Variants in FSTL5 observed in about 807,000 individuals in gnomAD.
The protein encoded by FSTL5 is follistatin-related protein 5.
Under a neutral mutation model 89.1 loss-of-function variants are expected in FSTL5, and 62 were observed. The ratio of observed to expected loss-of-function variants is 0.70; its 90% CI spans 0.57 to 0.86. FSTL5 has a LOEUF of 0.86. Ranked by LOEUF, FSTL5 falls within the 40% of genes least tolerant of loss-of-function variation. The probability of loss-of-function intolerance (pLI) is 0.00; values close to 1 mark genes in which losing one functional copy is unlikely to be tolerated. For synonymous variants in FSTL5, 383 were observed against 346.2 expected, an observed-to-expected ratio of 1.11 and a Z score of -1.18; for missense variants, 1,057 against 1,001.6, an observed-to-expected ratio of 1.06 and a Z score of -0.75.
At chr4:161,668,800 G>A (rs1736983842) in intron 6 of FSTL5, among the ~76,000 whole-genome samples, 1 of 151,980 alleles carries the variant, frequency 6.6e-6, no homozygotes. Context: ...TTTAAAACTT[G>A]GATGAATTTA....
chr4:161,659,359 A>G (rs1736630256), intron 6 of FSTL5, among the ~76,000 whole-genome samples: 1 of 152,186 alleles, frequency 6.6e-6, no homozygotes, highest in African/African-American at 2.4e-5. Context: ...TTCACTGGTT[A>G]CATCTCAAAA....
In FSTL5 at chr4:161,481,222, C is replaced by G. The variant is rs115916272; in HGVS notation, c.1459-53G>C. Reference sequence around the variant, plus strand: ...TTTATACCTTAAATTATAACACATGCCTGACAATATCATGGGTAAAATTAA... The same window carrying G: ...TTTATACCTTAAATTATAACACATGGCTGACAATATCATGGGTAAAATTAA... On this transcript the variant is annotated intron_variant, in intron 12 of 15. Transcript: ENST00000306100. The G allele has an allele frequency of 3.2e-5, 44 of 1,371,394 alleles. 1 individual carries two copies. The South Asian group carries it at 6.1e-4, about 19-fold the overall frequency. The allele number at this position is 1,371,394 out of a possible 1,614,324, so 85.0% of individuals were successfully genotyped here.
intron 7 of FSTL5, among the ~76,000 whole-genome samples, chr4:161,593,915 A>C (rs975045254): frequency 6.6e-6 from 1 of 152,154 alleles, no homozygotes; most frequent in African/African-American, 2.4e-5. Flanking sequence ...ATACAGACAG[A>C]ACACTGTTAA....
intron 6 of FSTL5, among the ~76,000 whole-genome samples, chr4:161,682,033 T>C (rs1737543511): frequency 1.3e-5 from 2 of 152,320 alleles, no homozygotes; most frequent in South Asian, 4.1e-4. Context: ...CATGTTACAG[T>C]AATGAGTAGT....
chr4:161,793,014 G>A (rs1264135327), intron 4 of FSTL5, among the ~76,000 whole-genome samples: 1 of 152,226 alleles, frequency 6.6e-6, no homozygotes, highest in Non-Finnish European at 1.5e-5. Flanking sequence ...GGTTTCTGCA[G>A]TTCCTGTCAT....
intron 13 of FSTL5, among the ~76,000 whole-genome samples, chr4:161,474,475 G>A (rs1264460303): frequency 6.6e-6 from 1 of 151,092 alleles, no homozygotes; most frequent in Non-Finnish European, 1.5e-5. Flanking sequence ...ATTAGATTTT[G>A]TGATTGTCCA....
chr4:161,386,709 T>G (rs1730663856), intron 15 of FSTL5: 1 of 394,714 alleles, frequency 2.5e-6, no homozygotes, highest in Non-Finnish European at 4.6e-6. Flanking sequence ...TCTAGTTAAT[T>G]GCAGCAACAA....
intron 5 of FSTL5, among the ~76,000 whole-genome samples, chr4:161,768,410 C>G (rs7655732): frequency 0.54 from 81,446 of 151,808 alleles, 25,301 homozygotes; most frequent in Non-Finnish European, 0.7. Flanking sequence ...TACAATCACA[C>G]TGTTTTGCAT....
chr4:161,549,996 G>A (rs985922858), intron 8 of FSTL5, among the ~76,000 whole-genome samples: 3 of 151,946 alleles, frequency 2.0e-5, no homozygotes, highest in Middle Eastern at 3.4e-3. Context: ...CGTCACGTCA[G>A]GACTACAGCC....
chr4:161,687,952 T>C (rs978288355), intron 6 of FSTL5, among the ~76,000 whole-genome samples: 2 of 152,200 alleles, frequency 1.3e-5, no homozygotes, highest in Admixed American at 6.5e-5. Context: ...TCTTTTCTGC[T>C]CCTCTGCCAT....
intron 3 of FSTL5, among the ~76,000 whole-genome samples, chr4:161,997,117 G>A (rs562498177): frequency 1.2e-3 from 179 of 152,196 alleles, no homozygotes; most frequent in Admixed American, 3.7e-3. Context: ...CCTTGGTGAG[G>A]AGCAAATGAA....
At chr4:161,494,555 G>C (rs1439198627) in intron 12 of FSTL5, among the ~76,000 whole-genome samples, 1 of 152,126 alleles carries the variant, frequency 6.6e-6, no homozygotes, top group Non-Finnish European at 1.5e-5. Context: ...TTCTTGAAAC[G>C]TAAGTATTCT....
chr4:162,063,761 A>G (rs1298473129), intron 2 of FSTL5, among the ~76,000 whole-genome samples: 2 of 151,920 alleles, frequency 1.3e-5, no homozygotes, highest in Non-Finnish European at 2.9e-5. Flanking sequence ...GAATTATGAC[A>G]ATAATGCTTC....
At chr4:161,824,379 T>A (rs1730601389) in intron 4 of FSTL5, among the ~76,000 whole-genome samples, 2 of 152,228 alleles carry the variant, frequency 1.3e-5, no homozygotes, top group South Asian at 4.1e-4. Flanking sequence ...ATGTGCCTAT[T>A]TTTATAGCAG....
intron 8 of FSTL5, among the ~76,000 whole-genome samples, chr4:161,549,221 T>C (rs188555272): frequency 1.9e-3 from 287 of 151,942 alleles, no homozygotes; most frequent in Non-Finnish European, 3.3e-3. Context: ...GATGTTGAGT[T>C]CATTTTCAAA....
intron 4 of FSTL5, among the ~76,000 whole-genome samples, chr4:161,825,911 T>G (rs942879155): frequency 5.9e-5 from 9 of 152,108 alleles, no homozygotes; most frequent in African/African-American, 2.2e-4. Flanking sequence ...ATTTCTTTTT[T>G]TCTGTTGGGT....
intron 7 of FSTL5, among the ~76,000 whole-genome samples, chr4:161,632,796 A>G (rs1005835184): frequency 3.3e-5 from 5 of 152,200 alleles, no homozygotes; most frequent in Admixed American, 6.5e-5. Context: ...TCATTAATAA[A>G]ATATTCAAAT....
chr4:161,821,470 T>G (rs755275371), intron 4 of FSTL5, among the ~76,000 whole-genome samples: 5 of 152,168 alleles, frequency 3.3e-5, no homozygotes, highest in African/African-American at 4.8e-5. Context: ...ACACATGGTG[T>G]TTTGTTACAT....
intron 15 of FSTL5, among the ~76,000 whole-genome samples, chr4:161,413,276 AAAAAAAATAAAG>A (rs751411902): frequency 9.6e-4 from 14 of 14,620 alleles, no homozygotes; most frequent in Admixed American, 3.0e-3. Context: ...AAAAAAAAAA[AAAAAAAATAAAG>A]ACACACAAGT....
Sources: gnomAD v4.1 joint callset for allele counts (sites outside exome capture counted in the v4.1 genomes callset) on GRCh38, gnomAD v4.1.1 for gene constraint, MANE v1.5 for transcripts, NCBI Gene and HGNC (gene_info 2026-07-23, HGNC 2026-07-21) for gene names.